Variants in TSHZ1 observed in about 807,000 individuals in gnomAD.
TSHZ1 encodes the protein teashirt zinc finger homeobox 1.
Under a neutral mutation model 67.1 loss-of-function variants are expected in TSHZ1, and 12 were observed. The ratio of observed to expected loss-of-function variants is 0.18; its 90% confidence interval spans 0.11 to 0.29. The LOEUF (loss-of-function observed/expected upper bound fraction) is 0.29, where lower values mean the gene tolerates loss of function less well. Ranked by LOEUF, TSHZ1 falls within the 10% of genes least tolerant of loss-of-function variation. The probability of loss-of-function intolerance (pLI) is 1.00; values close to 1 mark genes in which losing one functional copy is unlikely to be tolerated. For synonymous variants in TSHZ1, 632 were observed against 622.4 expected (o/e 1.02, Z -0.23); for missense variants, 1,305 against 1,413.9 (o/e 0.92, Z 1.23).
chr18:75,279,908 A>G (rs2023664292), intron 1 of TSHZ1, among the ~76,000 whole-genome samples: 1 of 152,210 alleles, frequency 6.6e-6, no homozygotes, highest in Non-Finnish European at 1.5e-5. Context: ...ATGGTGTTCA[A>G]TGGCTAGTCC....
chr18:75,274,185 T>G (rs1489945494), intron 1 of TSHZ1, among the ~76,000 whole-genome samples: 1 of 152,194 alleles, frequency 6.6e-6, no homozygotes, highest in Non-Finnish European at 1.5e-5. Context: ...AAAGCTGTTT[T>G]GACACAAAAA....
intron 1 of TSHZ1, among the ~76,000 whole-genome samples, chr18:75,228,253 A>G (rs1357086854): frequency 6.6e-6 from 1 of 152,210 alleles, no homozygotes; most frequent in Non-Finnish European, 1.5e-5. Flanking sequence ...TCCACCCGGG[A>G]AGGCATTACC....
Position 75,285,454 on chromosome 18 carries a change from T to C in TSHZ1, c.47T>C (p.Val16Ala). The change falls in exon 2 of 2, where the codon GTT becomes GCT. Residue 16 changes from valine to alanine, a missense_variant. By Grantham distance (64) the Val-to-Ala change is moderately conservative. Transcript: ENST00000580243. Reference protein sequence around the residue: ...QQAPRRSAAYVPEEELKAAEI... With the variant: ...QQAPRRSAAYAPEEELKAAEI... ...TTTCATTTTTCTCTCCTAGCTTATG[T>C]TCCTGAGGAAGAATTGAAGGCAGCA... 6.7e-7 allele frequency: 1 copy of C among 1,481,652 alleles called. No individual in the cohort carries two copies. Among genetic ancestry groups the C allele is most frequent in the Non-Finnish European group, 9.0e-7 (1 of 1,115,410 alleles). 91.8% of individuals were successfully genotyped at this position (1,481,652 alleles called of 1,614,324 possible). A position where few individuals can be genotyped will look rare whatever the true frequency, so the allele number is the denominator to read the frequency against.
chr18:75,263,356 T>G (rs2023452928), intron 1 of TSHZ1, among the ~76,000 whole-genome samples: 1 of 152,214 alleles, frequency 6.6e-6, no homozygotes, highest in South Asian at 2.1e-4. Flanking sequence ...ATGTCTCCTT[T>G]GTTCTTTCTC....
chr18:75,288,499 A>C lies in TSHZ1; in HGVS notation c.3092A>C (p.Glu1031Ala). Residue 1031 changes from glutamate to alanine, a missense_variant, in exon 2 of 2, where the codon GAA (glutamate) becomes GCA (alanine). Transcript: ENST00000580243. This position sits in a 1 kb window ranked among gnomAD's most constrained non-coding sequence, Gnocchi z 4.9. ...KTLGPLGATEEDLGSTFQCKL... is the reference protein window; with the variant it reads ...KTLGPLGATEADLGSTFQCKL... ...CTGGGCCCACTGGGGGCCACCGAGG[A>C]AGACTTGGGCTCCACATTCCAATGT... 1 of 1,614,244 alleles carries C rather than the reference A, an allele frequency of 6.2e-7. No individual in the cohort carries two copies. Among genetic ancestry groups the C allele is most frequent in the Non-Finnish European group, 8.5e-7 (1 of 1,180,044 alleles).
chr18:75,237,574 G>A (rs1317697745), intron 1 of TSHZ1, among the ~76,000 whole-genome samples: 2 of 152,010 alleles, frequency 1.3e-5, no homozygotes, highest in African/African-American at 2.4e-5. Flanking sequence ...ATATATGTGT[G>A]TATACATATA....
chr18:75,211,034 T>A lies in TSHZ1; in HGVS notation c.-843T>A, dbSNP rs1282598898. ...GGGTGCTTTTTGTGTATTTTTCAAA[T>A]TTTTTTCTGTTGGAAGATCAAGACC... On this transcript the variant is annotated 5_prime_UTR_variant, in exon 1 of 2. Coordinates refer to ENST00000580243, the MANE Select transcript of TSHZ1 (RefSeq NM_001308210.2). 1 of 151,162 alleles carries A rather than the reference T, an allele frequency of 6.6e-6. No individual in the cohort carries two copies. 9.4% of individuals were successfully genotyped at this position (151,162 alleles called of 1,614,324 possible).
At chr18:75,237,790 TC>T (rs202072851) in intron 1 of TSHZ1, among the ~76,000 whole-genome samples, 3,559 of 137,728 alleles carry the variant, frequency 0.026, 73 homozygotes, top group Middle Eastern at 0.065. Context: ...CTTCTTTCTT[TC>T]ATTTATTTAT....
chr18:75,258,601 A>C lies in TSHZ1; in HGVS notation c.41-26847A>C, dbSNP rs183456090. Among the ~76,000 whole-genome samples the C allele has an allele frequency of 2.4e-4, 37 of 152,346 alleles. 1 individual carries two copies. The East Asian group carries it at 6.5e-3, about 27-fold the overall frequency. Reference sequence around the variant, plus strand: ...ATAAATATATTTTCCATGGTGATACAGTATATAAATGTGTGTGTCAGTGTG... The same window carrying C: ...ATAAATATATTTTCCATGGTGATACCGTATATAAATGTGTGTGTCAGTGTG... On this transcript the variant is annotated intron_variant, in intron 1 of 1. Coordinates refer to ENST00000580243, the MANE Select transcript of TSHZ1 (RefSeq NM_001308210.2).
chr18:75,288,645 C>T lies in TSHZ1; in HGVS notation c.*4C>T, dbSNP rs1468671512. ...GACTGAGTTGGAGAAACAGTAGCGT[C>T]CAGGTATGCAAGAGACCGCGGAACA... On this transcript the variant is annotated 3_prime_UTR_variant, in exon 2 of 2. Transcript: ENST00000580243. The surrounding 1 kb of genome is among the most constrained non-coding windows in gnomAD (Gnocchi z 4.9). The T allele has an allele frequency of 3.2e-6, 5 of 1,582,176 alleles. No homozygotes were observed. In the South Asian group the frequency reaches 4.7e-5, roughly 15 times the overall value.
At chr18:75,222,773 C>T (rs151034875) in intron 1 of TSHZ1, among the ~76,000 whole-genome samples, 1,751 of 152,252 alleles carry the variant, frequency 0.012, 22 homozygotes, top group South Asian at 0.024. Context: ...AGTAGGTGCC[C>T]GTGTACGTGG....
At chr18:75,224,839 A>C (rs2022901125) in intron 1 of TSHZ1, among the ~76,000 whole-genome samples, 1 of 152,004 alleles carries the variant, frequency 6.6e-6, no homozygotes, top group South Asian at 2.1e-4. Flanking sequence ...GTTCTTTCTC[A>C]AGCCTCAGTT....
chr18:75,238,975 A>G (rs1361509063), intron 1 of TSHZ1, among the ~76,000 whole-genome samples: 1 of 152,226 alleles, frequency 6.6e-6, no homozygotes. Context: ...CGCACTGTCC[A>G]GCTTCCCCTC....
chr18:75,275,421 G>T (rs1362568382), intron 1 of TSHZ1, among the ~76,000 whole-genome samples: 1 of 152,208 alleles, frequency 6.6e-6, no homozygotes, highest in Non-Finnish European at 1.5e-5. Flanking sequence ...GGCGACGTTT[G>T]TTTGTAGTTC....
At position 75,286,871 on chromosome 18, in the gene TSHZ1, C is replaced by A; in HGVS notation, c.1464C>A (p.Asp488Glu). The change falls in exon 2 of 2, where the codon GAC becomes GAA. Residue 488 changes from aspartate (D) to glutamate (E), a missense_variant. By Grantham distance (45) the Asp-to-Glu change is conservative (BLOSUM62 2). Transcript: ENST00000580243. The surrounding 1 kb of genome is among the most constrained non-coding windows in gnomAD (Gnocchi z 5.1). ...LPASSIKKQP[D>E]SPAGSTTSEE... The stretch of plus-strand genomic sequence containing the variant: ...CCTCCAGCATCAAAAAGCAGCCCGA[C>A]TCTCCCGCGGGGTCCACGACTTCTG... 3 of 1,614,184 alleles carry A rather than the reference C, an allele frequency of 1.9e-6. No homozygotes were observed. Among genetic ancestry groups the A allele is most frequent in the Non-Finnish European group, 2.5e-6 (3 of 1,180,038 alleles).
intron 1 of TSHZ1, among the ~76,000 whole-genome samples, chr18:75,278,588 G>A (rs1212098756): frequency 6.6e-6 from 1 of 152,094 alleles, no homozygotes; most frequent in Non-Finnish European, 1.5e-5. Context: ...GGCCTGTGGG[G>A]GCAGAAGAAC....
chr18:75,212,311 A>C (rs1006973012), intron 1 of TSHZ1, among the ~76,000 whole-genome samples: 3 of 152,060 alleles, frequency 2.0e-5, no homozygotes, highest in African/African-American at 7.2e-5. Flanking sequence ...TGACACTTGA[A>C]AACAAGGTCA....
intron 1 of TSHZ1, among the ~76,000 whole-genome samples, chr18:75,229,199 T>C (rs913851643): frequency 1.2e-4 from 19 of 152,238 alleles, no homozygotes; most frequent in Non-Finnish European, 4.4e-5. Context: ...CCGGCCCTCC[T>C]CAAAGCCCAC....
rs780731050 is a variant in TSHZ1, at chr18:75,288,019, G to T, written c.2612G>T (p.Ser871Ile). The T allele has an allele frequency of 6.2e-7, 1 of 1,614,194 alleles. No individual in the cohort carries two copies. The highest frequency in any genetic ancestry group is 8.5e-7 in the Non-Finnish European group (1 of 1,180,048). The part of the protein sequence containing the change: ...VSEKSDADGS[S>I]FEEALDELSP... Reference sequence around the variant, plus strand: ...GAGAAGTCCGATGCTGATGGCAGCAGCTTTGAGGAGGCGTTGGACGAGCTG... The same window carrying T: ...GAGAAGTCCGATGCTGATGGCAGCATCTTTGAGGAGGCGTTGGACGAGCTG... The change falls in exon 2 of 2, where the codon AGC becomes ATC. Residue 871 changes from serine to isoleucine, a missense_variant. Ser to Ile is a moderately radical substitution (Grantham distance 142). Transcript: ENST00000580243. This position sits in a 1 kb window ranked among gnomAD's most constrained non-coding sequence, Gnocchi z 4.9.
Sources: allele counts gnomAD v4.1 joint callset (sites outside exome capture counted in the v4.1 genomes callset), GRCh38; gene constraint gnomAD v4.1.1; non-coding constraint Gnocchi (gnomAD v3.1); transcripts MANE v1.5; gene names NCBI Gene and HGNC (gene_info 2026-07-23, HGNC 2026-07-21).